Variants in TENM4 observed in about 807,000 individuals in gnomAD.
TENM4 encodes teneurin-4.
In TENM4, 82 loss-of-function variants were observed where a neutral mutation model predicts 243.3. That is an observed-to-expected ratio of 0.34 (90% CI 0.28 to 0.40). The LOEUF is 0.40. Ranked by LOEUF, TENM4 falls within the 10% of genes least tolerant of loss-of-function variation. TENM4 has a pLI of 1.00. For missense variants in TENM4, 3,138 were observed against 3,673.3 expected, an observed-to-expected ratio of 0.85 and a Z score of 3.77; for synonymous variants, 1,412 against 1,456.3, an observed-to-expected ratio of 0.97 and a Z score of 0.69.
At chr11:78,943,877 A>C (rs956823752) in intron 6 of TENM4, among the ~76,000 whole-genome samples, 2 of 152,196 alleles carry the variant, frequency 1.3e-5, no homozygotes, top group Admixed American at 1.3e-4. Flanking sequence ...AGTAACAACA[A>C]ATTCTGTTTG....
intron 1 of TENM4, among the ~76,000 whole-genome samples, chr11:79,349,851 C>A (rs1857386242): frequency 6.6e-6 from 1 of 152,188 alleles, no homozygotes; most frequent in South Asian, 2.1e-4. Context: ...ACTCACAAAG[C>A]AGTTAGATAG....
chr11:79,260,579 T>A (rs1178803948), intron 2 of TENM4, among the ~76,000 whole-genome samples: 1 of 152,174 alleles, frequency 6.6e-6, no homozygotes, highest in Non-Finnish European at 1.5e-5. Flanking sequence ...ACCAGAGAAC[T>A]CTTCAGGGGC....
intron 4 of TENM4, among the ~76,000 whole-genome samples, chr11:79,120,996 C>T (rs1360733544): frequency 6.6e-6 from 1 of 152,160 alleles, no homozygotes; most frequent in Admixed American, 6.5e-5. Flanking sequence ...AATGGGAGAG[C>T]TTGGATTTAA....
In TENM4 at chr11:79,037,716, C is replaced by T. The variant is rs183764458; in HGVS notation, c.493+27022G>A. On this transcript the variant is annotated intron_variant, in intron 6 of 33. Transcript: ENST00000278550. The stretch of plus-strand genomic sequence containing the variant: ...TACCTTTTCTCCCAAATAACTGAAA[C>T]CTGCCCAAGAAAGCCAGTGGACACT... Among the ~76,000 whole-genome samples, 425 of 152,266 alleles carry T rather than the reference C, an allele frequency of 2.8e-3. 5 individuals carry two copies. The South Asian group carries it at 0.044, about 16-fold the overall frequency.
intron 6 of TENM4, among the ~76,000 whole-genome samples, chr11:79,050,882 C>T (rs977129463): frequency 2.6e-4 from 40 of 152,186 alleles, no homozygotes; most frequent in African/African-American, 9.7e-4. Context: ...ATCAGGCTGA[C>T]TGGAGCCTTT....
intron 4 of TENM4, among the ~76,000 whole-genome samples, chr11:79,128,099 G>A (rs1448971293): frequency 6.6e-6 from 1 of 152,200 alleles, no homozygotes; most frequent in African/African-American, 2.4e-5. Flanking sequence ...AGATGACCCA[G>A]CAGATCCAAT....
chr11:79,116,735 T>C (rs1314186530), intron 4 of TENM4, among the ~76,000 whole-genome samples: 1 of 152,222 alleles, frequency 6.6e-6, no homozygotes, highest in African/African-American at 2.4e-5. Flanking sequence ...GTCCGAAATA[T>C]ATCGCCTGGG....
rs752521439 is a variant in TENM4 at position 78,854,243 on chromosome 11, C to T, written c.1542G>A (p.Pro514=). Reference sequence around the variant, plus strand: ...GGGGCACAGTTCCCCGAGACTGGCGCGGGGTCCCCTCTAGGCTCCGCGCCT... The same window carrying T: ...GGGGCACAGTTCCCCGAGACTGGCGTGGGGTCCCCTCTAGGCTCCGCGCCT... ...TQEARSLEGT[P]RQSRGTVPPS... Residue 514 remains proline (P), a synonymous_variant, in exon 12 of 34, where the codon CCG becomes CCA. Transcript: ENST00000278550. 49 of 1,551,116 alleles carry T rather than the reference C, an allele frequency of 3.2e-5. No homozygotes were observed. Among genetic ancestry groups the T allele is most frequent in the South Asian group, 2.6e-4 (22 of 83,938 alleles).
At chr11:79,223,512 T>C (rs1206920830) in intron 2 of TENM4, among the ~76,000 whole-genome samples, 1 of 152,158 alleles carries the variant, frequency 6.6e-6, no homozygotes, top group Non-Finnish European at 1.5e-5. Context: ...AATGCAAACC[T>C]GACCCTCCTG....
intron 18 of TENM4, among the ~76,000 whole-genome samples, chr11:78,761,024 CTCTT>C (rs1165472771): frequency 1.3e-5 from 2 of 152,070 alleles, no homozygotes; most frequent in Non-Finnish European, 2.9e-5. Flanking sequence ...ATCGTTTTCT[CTCTT>C]TAGTCATTTA....
chr11:78,991,643 C>T (rs543999544), intron 6 of TENM4, among the ~76,000 whole-genome samples: 3 of 152,198 alleles, frequency 2.0e-5, no homozygotes, highest in Non-Finnish European at 2.9e-5. Context: ...GTTTCTAAAG[C>T]CCTTGCTCGT....
intron 4 of TENM4, among the ~76,000 whole-genome samples, chr11:79,126,954 C>G (rs746547400): frequency 1.3e-5 from 2 of 152,250 alleles, no homozygotes; most frequent in African/African-American, 4.8e-5. Flanking sequence ...CTCCAGGGGA[C>G]CCAAAACATC....
At chr11:78,709,133 AAT>A (rs1491371220) in intron 26 of TENM4, among the ~76,000 whole-genome samples, 24 of 108,214 alleles carry the variant, frequency 2.2e-4, no homozygotes, top group Middle Eastern at 4.5e-3. Context: ...ATGCCTGGCT[AAT>A]TTTTTTTTTT....
At chr11:79,280,550 A>G (rs1856138585) in intron 2 of TENM4, among the ~76,000 whole-genome samples, 1 of 152,134 alleles carries the variant, frequency 6.6e-6, no homozygotes, top group African/African-American at 2.4e-5. Flanking sequence ...AGCACAGACT[A>G]TACTACACCT....
chr11:79,025,947 T>C (rs1196156304), intron 6 of TENM4, among the ~76,000 whole-genome samples: 3 of 152,198 alleles, frequency 2.0e-5, no homozygotes, highest in African/African-American at 7.2e-5. Context: ...TGTGTATGCA[T>C]GTCTACTTGT....
intron 2 of TENM4, among the ~76,000 whole-genome samples, chr11:79,240,342 T>C (rs1352309488): frequency 6.6e-6 from 1 of 152,062 alleles, no homozygotes; most frequent in African/African-American, 2.4e-5. Context: ...TATAAACTTA[T>C]AAGTTTATAA....
chr11:78,950,943 A>G (rs73502614), intron 6 of TENM4, among the ~76,000 whole-genome samples: 2,508 of 152,336 alleles, frequency 0.016, 65 homozygotes, highest in African/African-American at 0.058. Flanking sequence ...GTAGGTGCTC[A>G]GGAATGGGAT....
chr11:78,708,472 G>C lies in TENM4; in HGVS notation c.4098C>G (p.Gly1366=). 6.2e-7 allele frequency: 1 copy of C among 1,613,982 alleles called. No individual in the cohort carries two copies. Among genetic ancestry groups the C allele is most frequent in the Non-Finnish European group, 8.5e-7 (1 of 1,179,886 alleles). The stretch of plus-strand genomic sequence containing the variant: ...TCTGATCGATGCGTCTGATCATGGT[G>C]CCATCCACGAAGTAGATCAGCCCAA... The part of the protein sequence containing the change: ...DKFGLIYFVD[G]TMIRRIDQNG... Residue 1366 remains glycine, a synonymous_variant, in exon 27 of 34, where the codon GGC becomes GGG. Coordinates refer to ENST00000278550, the MANE Select transcript of TENM4 (RefSeq NM_001098816.3).
At chr11:79,320,818 C>G (rs1201551867) in intron 1 of TENM4, among the ~76,000 whole-genome samples, 1 of 152,186 alleles carries the variant, frequency 6.6e-6, no homozygotes, top group East Asian at 1.9e-4. Flanking sequence ...TTCAGGTTTT[C>G]AAATTCTCCC....
Sources: gnomAD v4.1 joint callset for allele counts (sites outside exome capture counted in the v4.1 genomes callset) on GRCh38, gnomAD v4.1.1 for gene constraint, MANE v1.5 for transcripts, NCBI Gene and HGNC (gene_info 2026-07-23, HGNC 2026-07-21) for gene names.